The following KIAA1217 variants were observed in gnomAD, a reference collection of about 807,000 sequenced individuals.
The protein encoded by KIAA1217 is KIAA1217.
Under a neutral mutation model 163.9 loss-of-function variants are expected in KIAA1217, and 88 were observed. The observed-to-expected ratio is 0.54, with a 90% CI of 0.45 to 0.64. The LOEUF (loss-of-function observed/expected upper bound fraction) is 0.64, where lower values mean the gene tolerates loss of function less well. KIAA1217 is among the 30% of genes least tolerant of loss of function. KIAA1217 has a pLI of 0.00. For missense variants in KIAA1217, 2,372 were observed against 2,475.0 expected (o/e 0.96, Z 0.88); for synonymous variants, 903 against 923.1 (o/e 0.98, Z 0.39).
chr10:23,902,090 C>G (rs1284150876), intron 1 of KIAA1217, among the ~76,000 whole-genome samples: 1 of 152,010 alleles, frequency 6.6e-6, no homozygotes. Context: ...GCTGATGAGT[C>G]TAGCAGTTCT....
intron 1 of KIAA1217, among the ~76,000 whole-genome samples, chr10:23,786,021 A>T (rs1379925579): frequency 1.3e-5 from 2 of 152,134 alleles, no homozygotes; most frequent in East Asian, 3.9e-4. Flanking sequence ...CCCTCAAAAA[A>T]CTTCCTCTCT....
At chr10:24,184,911 T>C (rs146288006) in intron 2 of KIAA1217, among the ~76,000 whole-genome samples, 80 of 152,162 alleles carry the variant, frequency 5.3e-4, no homozygotes, top group African/African-American at 1.8e-3. Flanking sequence ...CTATATTATC[T>C]CAGAAAAAAA....
intron 2 of KIAA1217, chr10:24,275,815 G>A (rs774974960): frequency 4.2e-6 from 2 of 473,158 alleles, no homozygotes; most frequent in Non-Finnish European, 8.5e-6. Flanking sequence ...GTGCAGTTTG[G>A]TTAATGATAA....
intron 3 of KIAA1217, among the ~76,000 whole-genome samples, chr10:24,394,038 T>C (rs999956137): frequency 2.0e-5 from 3 of 152,248 alleles, no homozygotes; most frequent in African/African-American, 7.2e-5. Context: ...CACTTTAATT[T>C]GTTTTCATTT....
chr10:23,835,811 C>T (rs1470648756), intron 1 of KIAA1217, among the ~76,000 whole-genome samples: 2 of 152,110 alleles, frequency 1.3e-5, no homozygotes, highest in African/African-American at 4.8e-5. Flanking sequence ...CACCACACTG[C>T]CATGAGAAGT....
chr10:24,094,308 A>C (rs1217896937), intron 2 of KIAA1217, among the ~76,000 whole-genome samples: 1 of 152,116 alleles, frequency 6.6e-6, no homozygotes, highest in African/African-American at 2.4e-5. Context: ...CCTCTCCAGC[A>C]CCTGTTGTTT....
chr10:24,196,105 G>T (rs1220414838), intron 2 of KIAA1217, among the ~76,000 whole-genome samples: 1 of 150,738 alleles, frequency 6.6e-6, no homozygotes. Context: ...CTGCACTCCA[G>T]CTGGGGTGAC....
chr10:23,848,193 T>A (rs991824048), intron 1 of KIAA1217, among the ~76,000 whole-genome samples: 5 of 152,112 alleles, frequency 3.3e-5, no homozygotes, highest in Admixed American at 2.0e-4. Flanking sequence ...ATTCTGTTGA[T>A]TTGGGATGGA....
intron 2 of KIAA1217, among the ~76,000 whole-genome samples, chr10:24,352,259 A>C (rs77127033): frequency 0.021 from 3,245 of 152,280 alleles, 72 homozygotes; most frequent in East Asian, 0.098. Context: ...GTGAATGGGG[A>C]GGTGGGGTGA....
chr10:24,280,593 C>T (rs887210161), intron 2 of KIAA1217, among the ~76,000 whole-genome samples: 6 of 151,948 alleles, frequency 3.9e-5, no homozygotes, highest in Non-Finnish European at 8.8e-5. Context: ...GGGTGGATTG[C>T]GAGGTCAGGA....
At chr10:23,745,282 A>G (rs1206673666) in intron 1 of KIAA1217, among the ~76,000 whole-genome samples, 2 of 152,216 alleles carry the variant, frequency 1.3e-5, no homozygotes, top group African/African-American at 4.8e-5. Flanking sequence ...AAATAAACAA[A>G]TGATAGGATA....
intron 1 of KIAA1217, among the ~76,000 whole-genome samples, chr10:23,959,897 A>T (rs913105224): frequency 2.7e-5 from 4 of 150,200 alleles, no homozygotes; most frequent in African/African-American, 7.3e-5. Flanking sequence ...TTCAGAGAGG[A>T]AGGTCATAGA....
intron 1 of KIAA1217, among the ~76,000 whole-genome samples, chr10:23,790,180 T>C (rs1232575086): frequency 1.7e-4 from 11 of 66,506 alleles, no homozygotes; most frequent in South Asian, 4.9e-4. Context: ...CACATATGCA[T>C]ATACACATAT....
At chr10:24,389,216 T>C (rs1424261942) in intron 3 of KIAA1217, among the ~76,000 whole-genome samples, 1 of 152,174 alleles carries the variant, frequency 6.6e-6, no homozygotes. Flanking sequence ...TAATACTATG[T>C]AGCCATAAAA....
chr10:24,307,945 G>GC (rs1480028263), intron 2 of KIAA1217, among the ~76,000 whole-genome samples: 3 of 152,196 alleles, frequency 2.0e-5, no homozygotes, highest in Non-Finnish European at 4.4e-5. Context: ...TTGGGTCACT[G>GC]CCCGAGTCAT....
intron 2 of KIAA1217, among the ~76,000 whole-genome samples, chr10:24,066,413 G>A (rs937550277): frequency 6.6e-6 from 1 of 152,116 alleles, no homozygotes; most frequent in African/African-American, 2.4e-5. Context: ...GCTTAGTTTG[G>A]CTGGATATGA....
intron 1 of KIAA1217, among the ~76,000 whole-genome samples, chr10:23,765,187 C>CTTTTTTTTTTTTTTTTTTTTTTTT (rs67342339): frequency 6.6e-5 from 5 of 75,358 alleles, no homozygotes; most frequent in African/African-American, 1.2e-4. Context: ...TTTTTGTTCT[C>CTTTTTTTTTTTTTTTTTTTTTTTT]TTTTTTTTTT....
rs2131500033 is a variant in KIAA1217, at chr10:24,015,428, T to C, written c.-171+8054T>C. Among the ~76,000 whole-genome samples the C allele has an allele frequency of 2.0e-5, 3 of 152,150 alleles. No individual in the cohort carries two copies. The South Asian group carries it at 6.2e-4, about 32-fold the overall frequency. ...TTAGTAGAAGAGAAAGACTTTATAA[T>C]GATTGTTAGGGAGGTTTATGACCAG... On this transcript the variant is annotated intron_variant, in intron 2 of 18. Coordinates refer to the KIAA1217 transcript ENST00000376462.
chr10:24,392,028 G>C (rs1436280579), intron 3 of KIAA1217, among the ~76,000 whole-genome samples: 1 of 152,152 alleles, frequency 6.6e-6, no homozygotes, highest in Admixed American at 6.5e-5. Flanking sequence ...AATTAGATTT[G>C]ATCTGGCTTC....
Sources: allele counts gnomAD v4.1 joint callset (sites outside exome capture counted in the v4.1 genomes callset), GRCh38; gene constraint gnomAD v4.1.1; transcripts MANE v1.5; gene names NCBI Gene and HGNC (gene_info 2026-07-23, HGNC 2026-07-21).